Variants in EFNB1 observed in about 807,000 individuals in gnomAD.
EFNB1 encodes the protein ephrin B1, also known as ephrin-B1.
Under a neutral mutation model 18.1 loss-of-function variants are expected in EFNB1, and 1 was observed. The observed-to-expected ratio is 0.06, with a 90% confidence interval of 0.02 to 0.26. EFNB1 has a LOEUF of 0.26. Among genes scored for constraint, EFNB1 ranks in the 10% least tolerant of loss-of-function variants. EFNB1 has a pLI of 1.00. For missense variants in EFNB1, 221 were observed against 301.8 expected, an observed-to-expected ratio of 0.73 and a Z score of 1.98; for synonymous variants, 131 against 127.5, an observed-to-expected ratio of 1.03 and a Z score of -0.19.
In EFNB1 at chrX:68,832,031, T is replaced by G. The variant is rs186753774; in HGVS notation, c.128+2127T>G. On this transcript the variant is annotated intron_variant, in intron 1 of 4. Coordinates refer to ENST00000204961, the MANE Select transcript of EFNB1 (RefSeq NM_004429.5). ...CTGGAATGCAGCCACTGTCTACATG[T>G]GTTGGCTCGGGGTGGTGGGGGCAAA... 2.3e-3 allele frequency among the ~76,000 whole-genome samples: 252 copies of G among 110,939 alleles called. 1 individual carries two copies. The highest frequency in any genetic ancestry group is 4.0e-3 in the Non-Finnish European group (210 of 52,825).
chrX:68,838,167 G>A (rs1320665811), intron 1 of EFNB1, among the ~76,000 whole-genome samples: 1 of 37,542 alleles, frequency 2.7e-5, no homozygotes, highest in African/African-American at 2.0e-4. Flanking sequence ...GTGTGTGTGT[G>A]TGTGTGCGCG....
In EFNB1 at chrX:68,829,369, G is replaced by C. The variant is rs2147972874; in HGVS notation, c.-408G>C. The C allele has an allele frequency of 4.8e-6, 1 of 207,680 alleles. No individual in the cohort carries two copies. Among genetic ancestry groups the C allele is most frequent in the East Asian group, 1.6e-4 (1 of 6,113 alleles). 17.1% of individuals were successfully genotyped at this position (207,680 alleles called of 1,213,427 possible). ...ACTTCTTCCAAGGGACAGCGATCCC[G>C]GGACGGTCGAGGCGTCGGGGCGGTC... On this transcript the variant is annotated 5_prime_UTR_variant, in exon 1 of 5. Coordinates refer to ENST00000204961, the MANE Select transcript of EFNB1 (RefSeq NM_004429.5).
chrX:68,840,190 G>A, intron 4 of EFNB1, 52 bp from the exon 5 acceptor site: 1 of 1,210,343 alleles, frequency 8.3e-7, no homozygotes, highest in African/African-American at 1.7e-5. Context: ...GAAATCTGCT[G>A]TGTGTCCCTG....
chrX:68,838,733 G>C lies in EFNB1; in HGVS notation c.245G>C (p.Arg82Pro). The stretch of plus-strand genomic sequence containing the variant: ...GAGTACTACAAGCTGTACCTGGTGC[G>C]GCCTGAGCAGGCAGCTGCCTGTAGC... Reference protein sequence around the residue: ...PYEYYKLYLVRPEQAAACSTV... With the variant: ...PYEYYKLYLVPPEQAAACSTV... Residue 82 changes from arginine to proline, a missense_variant, in exon 2 of 5, where the codon CGG becomes CCG. Arg to Pro is a moderately radical substitution (Grantham distance 103, BLOSUM62 -2). Coordinates refer to ENST00000204961, the MANE Select transcript of EFNB1 (RefSeq NM_004429.5). The C allele has an allele frequency of 8.3e-7, 1 of 1,211,126 alleles. No individual in the cohort carries two copies. Among genetic ancestry groups the C allele is most frequent in the Non-Finnish European group, 1.1e-6 (1 of 895,220 alleles).
intron 1 of EFNB1, among the ~76,000 whole-genome samples, chrX:68,833,675 C>T (rs764573519): frequency 8.9e-6 from 1 of 112,160 alleles, no homozygotes; most frequent in South Asian, 3.7e-4. Context: ...TTCCTTACCC[C>T]GCAGACCATA....
At chrX:68,839,921 C>T (rs762848243) in intron 3 of EFNB1, 39 bp from the exon 4 acceptor site, 21 of 1,209,479 alleles carry the variant, frequency 1.7e-5, no homozygotes, top group African/African-American at 1.2e-4. Flanking sequence ...CTATGCTGGC[C>T]GGGTCCCTGC....
In EFNB1 at chrX:68,840,078, T is replaced by G; in HGVS notation, c.618T>G (p.Asp206Glu). The change falls in exon 4 of 5, where the codon GAT (aspartate) becomes GAG (glutamate). Residue 206 changes from aspartate to glutamate, a missense_variant. Transcript: ENST00000204961. ...PGSRGSLGDS[D>E]GKHETVNQEE... ...GTCGGGGCTCCCTGGGTGACTCTGATGGCAAGCATGGTAAGTGTATGTGTT... is the reference window on the plus strand; with the variant it reads ...GTCGGGGCTCCCTGGGTGACTCTGAGGGCAAGCATGGTAAGTGTATGTGTT... The G allele has an allele frequency of 8.3e-7, 1 of 1,211,883 alleles. No homozygotes were observed. Among genetic ancestry groups the G allele is most frequent in the Non-Finnish European group, 1.1e-6 (1 of 895,533 alleles).
chrX:68,829,860 G>A lies in EFNB1; in HGVS notation c.84G>A (p.Leu28=). Residue 28 remains leucine (L), a synonymous_variant, in exon 1 of 5, where the codon CTG becomes CTA. Coordinates refer to ENST00000204961, the MANE Select transcript of EFNB1 (RefSeq NM_004429.5). Reference sequence around the variant, plus strand: ...CGCTGTGCCGGCTCGCCACACCGCTGGCCAAGAACCTGGAGCCCGTATCCT... The same window carrying A: ...CGCTGTGCCGGCTCGCCACACCGCTAGCCAAGAACCTGGAGCCCGTATCCT... The part of the protein sequence containing the change: ...VWALCRLATP[L]AKNLEPVSWS... 1 of 1,172,717 alleles carries A rather than the reference G, an allele frequency of 8.5e-7. No individual in the cohort carries two copies. Among genetic ancestry groups the A allele is most frequent in the Non-Finnish European group, 1.1e-6 (1 of 875,491 alleles).
intron 1 of EFNB1, among the ~76,000 whole-genome samples, chrX:68,831,070 G>A (rs994379653): frequency 4.5e-5 from 5 of 111,214 alleles, no homozygotes; most frequent in African/African-American, 1.6e-4. Flanking sequence ...AGCAATGTGC[G>A]AACAACCCCA....
At chrX:68,831,069 C>T in intron 1 of EFNB1, among the ~76,000 whole-genome samples, 1 of 111,300 alleles carries the variant, frequency 9.0e-6, no homozygotes, top group East Asian at 2.9e-4. Flanking sequence ...CAGCAATGTG[C>T]GAACAACCCC....
Position 68,840,390 on chromosome X carries a change from G to C in EFNB1, c.777G>C (p.Thr259=). The C allele has an allele frequency of 8.3e-7, 1 of 1,211,830 alleles. No homozygotes were observed. Among genetic ancestry groups the C allele is most frequent in the Non-Finnish European group, 1.1e-6 (1 of 895,532 alleles). Residue 259 remains threonine, a synonymous_variant, in exon 5 of 5, where the codon ACG becomes ACC. Coordinates refer to ENST00000204961, the MANE Select transcript of EFNB1 (RefSeq NM_004429.5). ...VIFLLIIIFL[T]VLLLKLRKRH... is the part of the protein sequence containing the mutation. ...TCCTGCTCATCATCATCTTCCTGAC[G>C]GTCCTACTACTGAAGCTACGCAAGC...
chrX:68,832,250 G>A (rs781081740), intron 1 of EFNB1, among the ~76,000 whole-genome samples: 2 of 110,681 alleles, frequency 1.8e-5, no homozygotes, highest in African/African-American at 3.3e-5. Context: ...CGCGAGCAGC[G>A]CTCACTTCCC....
At position 68,839,619 on chromosome X, in the gene EFNB1, T is replaced by C. The variant is rs1486920868; in HGVS notation, c.407-45T>C. On this transcript the variant is annotated intron_variant, in intron 2 of 4. Coordinates refer to ENST00000204961, the MANE Select transcript of EFNB1 (RefSeq NM_004429.5). Reference sequence around the variant, plus strand: ...GTTTCTGGGTAATGCTAGTAGACCTTTCTCTCCTCCTGACTTCTCTGACTT... The same window carrying C: ...GTTTCTGGGTAATGCTAGTAGACCTCTCTCTCCTCCTGACTTCTCTGACTT... 1.2e-5 allele frequency: 14 copies of C among 1,163,190 alleles called. No homozygotes were observed. The South Asian group carries it at 2.6e-4, about 21-fold the overall frequency.
chrX:68,838,287 C>T (rs1056407204), intron 1 of EFNB1, among the ~76,000 whole-genome samples: 2 of 110,680 alleles, frequency 1.8e-5, no homozygotes, highest in Non-Finnish European at 3.8e-5. Context: ...GTAGCATGGG[C>T]CTGACACCTT....
chrX:68,833,656 C>T, intron 1 of EFNB1, among the ~76,000 whole-genome samples: 1 of 112,076 alleles, frequency 8.9e-6, no homozygotes, highest in Non-Finnish European at 1.9e-5. Flanking sequence ...TCACCAGCCA[C>T]ATTCTGGGTT....
Position 68,841,156 on chromosome X carries a change from G to A in EFNB1, c.*502G>A, listed in dbSNP as rs2080477434. 1 of 130,616 alleles carries A rather than the reference G, an allele frequency of 7.7e-6. No individual in the cohort carries two copies. The highest frequency in any genetic ancestry group is 7.8e-5 in the Admixed American group (1 of 12,890). The allele number at this position is 130,616 out of a possible 1,213,427, so 10.8% of individuals were successfully genotyped here. A position where few individuals can be genotyped will look rare whatever the true frequency, so the allele number is the denominator to read the frequency against. Reference sequence around the variant, plus strand: ...CCCAAGCCAGTACAAGAGGGCCTGGGGCACGATGTGGTCAGCCAGGAAGCA... The same window carrying A: ...CCCAAGCCAGTACAAGAGGGCCTGGAGCACGATGTGGTCAGCCAGGAAGCA... On this transcript the variant is annotated 3_prime_UTR_variant, in exon 5 of 5. Transcript: ENST00000204961.
intron 1 of EFNB1, among the ~76,000 whole-genome samples, chrX:68,833,324 CCAG>C (rs2080451969): frequency 8.9e-6 from 1 of 111,768 alleles, no homozygotes; most frequent in African/African-American, 3.3e-5. Flanking sequence ...TGATGGGAAT[CCAG>C]CAGCTCCTAA....
At chrX:68,836,871 C>CT in intron 1 of EFNB1, among the ~76,000 whole-genome samples, 1 of 23,352 alleles carries the variant, frequency 4.3e-5, no homozygotes, top group Non-Finnish European at 9.1e-5. Context: ...GTGAACTTTT[C>CT]ACCTCTTCTT....
chrX:68,833,012 T>C (rs991873427), intron 1 of EFNB1, among the ~76,000 whole-genome samples: 30 of 110,360 alleles, frequency 2.7e-4, no homozygotes, highest in Non-Finnish European at 1.7e-4. Flanking sequence ...CCCACTCAGG[T>C]TCCCCCACCT....
Sources: allele counts gnomAD v4.1 joint callset (sites outside exome capture counted in the v4.1 genomes callset), GRCh38; gene constraint gnomAD v4.1.1; transcripts MANE v1.5; gene names NCBI Gene and HGNC (gene_info 2026-07-23, HGNC 2026-07-21).